The following ARHGAP39 variants were observed in gnomAD, a reference collection of about 807,000 sequenced individuals.
The protein encoded by ARHGAP39 is rho GTPase-activating protein 39.
Under a neutral mutation model 106.9 loss-of-function variants are expected in ARHGAP39, and 44 were observed. That is an observed-to-expected ratio of 0.41 (90% confidence interval 0.32 to 0.53). The LOEUF is 0.53. Among genes scored for constraint, ARHGAP39 ranks in the 20% least tolerant of loss-of-function variants. ARHGAP39 has a pLI of 0.21. For synonymous variants in ARHGAP39, 768 were observed against 693.2 expected (o/e 1.11, Z -1.69); for missense variants, 1,496 against 1,577.3 (o/e 0.95, Z 0.87).
intron 1 of ARHGAP39, among the ~76,000 whole-genome samples, chr8:144,669,033 T>A (rs1266088050): frequency 6.6e-6 from 1 of 151,686 alleles, no homozygotes; most frequent in African/African-American, 2.4e-5. Context: ...CAAGTAATTT[T>A]TGACAAAGGT....
intron 2 of ARHGAP39, among the ~76,000 whole-genome samples, chr8:144,597,910 C>T (rs188263856): frequency 3.9e-5 from 6 of 152,238 alleles, no homozygotes; most frequent in Admixed American, 2.6e-4. Context: ...GACAGGGATG[C>T]GTCCACACCA....
At chr8:144,534,246 G>A in intron 7 of ARHGAP39, 44 bp from the exon 8 acceptor site, 2 of 1,607,954 alleles carry the variant, frequency 1.2e-6, no homozygotes, top group Non-Finnish European at 8.5e-7. Context: ...GGGTGTGTGG[G>A]TGTGGGGCCA....
At chr8:144,673,772 C>T (rs1470358097) in intron 1 of ARHGAP39, among the ~76,000 whole-genome samples, 1 of 152,222 alleles carries the variant, frequency 6.6e-6, no homozygotes. Flanking sequence ...CGGCCCAGAT[C>T]CCACACCTGC....
intron 3 of ARHGAP39, among the ~76,000 whole-genome samples, chr8:144,557,562 A>G (rs957979488): frequency 6.1e-4 from 65 of 106,582 alleles, no homozygotes; most frequent in East Asian, 1.8e-3. Flanking sequence ...CTGAACCTTC[A>G]TAGTATTCAG....
At chr8:144,691,323 G>T in the ARHGAP39 span, among the ~76,000 whole-genome samples, 1 of 152,124 alleles carries the variant, frequency 6.6e-6, no homozygotes, top group Admixed American at 6.6e-5. Flanking sequence ...TGTGTCTGCT[G>T]GAACCCAGCA....
At chr8:144,675,161 C>T (rs985156149) in intron 1 of ARHGAP39, among the ~76,000 whole-genome samples, 1 of 152,206 alleles carries the variant, frequency 6.6e-6, no homozygotes, top group East Asian at 1.9e-4. Context: ...CTGCAACCAG[C>T]GTCATGGCAG....
chr8:144,537,085 G>A (rs1192287142), intron 7 of ARHGAP39, among the ~76,000 whole-genome samples: 6 of 152,176 alleles, frequency 3.9e-5, no homozygotes, highest in Non-Finnish European at 8.8e-5. Context: ...TGACAGCGTA[G>A]CTCTCAAAAG....
intron 1 of ARHGAP39, among the ~76,000 whole-genome samples, chr8:144,636,977 G>C (rs1194415524): frequency 6.6e-6 from 1 of 152,246 alleles, no homozygotes; most frequent in East Asian, 1.9e-4. Flanking sequence ...AATGCAATCT[G>C]TGTCTTTCTG....
In ARHGAP39 at chr8:144,600,392, G is replaced by A. The variant is rs114624050; in HGVS notation, c.80+5143C>T. Reference sequence around the variant, plus strand: ...CACTTGGGTACCTACCTGCGTGTGTGGAGGCGTGTGTGTGCACTTGTGTAC... The same window carrying A: ...CACTTGGGTACCTACCTGCGTGTGTAGAGGCGTGTGTGTGCACTTGTGTAC... On this transcript the variant is annotated intron_variant, in intron 2 of 11. Coordinates refer to ENST00000377307, the MANE Select transcript of ARHGAP39 (RefSeq NM_025251.3). Among the ~76,000 whole-genome samples the A allele has an allele frequency of 3.6e-3, 541 of 148,928 alleles. 7 individuals carry two copies. The highest frequency in any genetic ancestry group is 0.013 in the African/African-American group (510 of 40,264).
In ARHGAP39 at chr8:144,548,752, C is replaced by T. The variant is rs1284051686; in HGVS notation, c.597-263G>A. ...CTCCTGACCGGGCACAGGGCTGCTT[C>T]TGTAACTAGAACCGGGGGCGGCGTT... On this transcript the variant is annotated intron_variant, in intron 4 of 11. Coordinates refer to ENST00000377307, the MANE Select transcript of ARHGAP39 (RefSeq NM_025251.3). The surrounding 1 kb of genome is among the most constrained non-coding windows in gnomAD (Gnocchi z 7.4). 6.6e-6 allele frequency among the ~76,000 whole-genome samples: 1 copy of T among 152,248 alleles called. No homozygotes were observed. Among genetic ancestry groups the T allele is most frequent in the African/African-American group, 2.4e-5 (1 of 41,472 alleles).
intron 3 of ARHGAP39, among the ~76,000 whole-genome samples, chr8:144,573,553 T>C (rs1037724430): frequency 1.3e-5 from 2 of 152,212 alleles, no homozygotes; most frequent in Non-Finnish European, 2.9e-5. Context: ...CATGTATACC[T>C]ATGTAACAAA....
chr8:144,663,862 A>G (rs1236105233), intron 1 of ARHGAP39, among the ~76,000 whole-genome samples: 1 of 152,184 alleles, frequency 6.6e-6, no homozygotes, highest in Non-Finnish European at 1.5e-5. Context: ...AAAACTCAAT[A>G]AACAAGATTA....
In ARHGAP39 at chr8:144,671,662, C is replaced by T. The variant is rs1351147557; in HGVS notation, c.-82+14024G>A. ...TGATACTCCTCCTTTCCAGACAAGACACCCCTTCTCCAGAAAGCCTACCTG... is the reference window on the plus strand; with the variant it reads ...TGATACTCCTCCTTTCCAGACAAGATACCCCTTCTCCAGAAAGCCTACCTG... On this transcript the variant is annotated intron_variant, in intron 1 of 11. Transcript: ENST00000377307. The surrounding 1 kb of genome is among the most constrained non-coding windows in gnomAD (Gnocchi z 4.5). Among the ~76,000 whole-genome samples, 1 of 152,214 alleles carries T rather than the reference C, an allele frequency of 6.6e-6. No individual in the cohort carries two copies. The highest frequency in any genetic ancestry group is 1.5e-5 in the Non-Finnish European group (1 of 68,032).
At chr8:144,581,605 G>A (rs1450665225) in intron 2 of ARHGAP39, among the ~76,000 whole-genome samples, 2 of 152,218 alleles carry the variant, frequency 1.3e-5, no homozygotes, top group African/African-American at 4.8e-5. Context: ...GCTCCGTCCT[G>A]CAGGATCGTG....
chr8:144,551,875 T>C (rs759904781), intron 4 of ARHGAP39, among the ~76,000 whole-genome samples: 1 of 152,232 alleles, frequency 6.6e-6, no homozygotes, highest in African/African-American at 2.4e-5. Flanking sequence ...GCCTCCCCGA[T>C]GGGCCTTCAT....
chr8:144,542,199 C>T (rs1223109964), intron 6 of ARHGAP39, among the ~76,000 whole-genome samples: 1 of 152,214 alleles, frequency 6.6e-6, no homozygotes, highest in African/African-American at 2.4e-5. Context: ...TACCCACTGC[C>T]AGGTGCTCCT....
chr8:144,603,119 G>C lies in ARHGAP39; in HGVS notation c.80+2416C>G, dbSNP rs751279247. ...AGCTCATGTATCTGTGTGCGTGGAG[G>C]CGTGTGTGTGCTGGTGTACCTGTGT... On this transcript the variant is annotated intron_variant, in intron 2 of 11. Coordinates refer to ENST00000377307, the MANE Select transcript of ARHGAP39 (RefSeq NM_025251.3). 2.4e-4 allele frequency among the ~76,000 whole-genome samples: 35 copies of C among 148,862 alleles called. 1 individual carries two copies. Among genetic ancestry groups the C allele is most frequent in the Admixed American group, 1.3e-4 (2 of 14,910 alleles).
chr8:144,546,929 C>T (rs907079807), intron 5 of ARHGAP39, among the ~76,000 whole-genome samples, 198 bp downstream of exon 5: 2 of 152,238 alleles, frequency 1.3e-5, no homozygotes, highest in East Asian at 1.9e-4. Flanking sequence ...CCACACCCCA[C>T]GGGGCCTCCT....
Position 144,545,446 on chromosome 8 carries a change from C to T in ARHGAP39, c.2324G>A (p.Trp775Ter). The part of the protein sequence containing the change: ...HVALEVATKG[W>*]SVQGLRDELY... Reference sequence around the variant, plus strand: ...CTCGTCCCGCAGGCCCTGCACGCTCCAGCCCTTGGTGGCCACCTCCAGGGC... The same window carrying T: ...CTCGTCCCGCAGGCCCTGCACGCTCTAGCCCTTGGTGGCCACCTCCAGGGC... Residue 775 changes from tryptophan to a stop codon, truncating the protein, a stop_gained, in exon 6 of 12, where the codon TGG becomes TAG. Transcript: ENST00000377307. LOFTEE classifies it high-confidence loss of function. 6.3e-7 allele frequency: 1 copy of T among 1,593,502 alleles called. No homozygotes were observed. The highest frequency in any genetic ancestry group is 8.6e-7 in the Non-Finnish European group (1 of 1,166,354).
Sources: allele counts gnomAD v4.1 joint callset (sites outside exome capture counted in the v4.1 genomes callset), GRCh38; gene constraint gnomAD v4.1.1; non-coding constraint Gnocchi (gnomAD v3.1); transcripts MANE v1.5; gene names NCBI Gene and HGNC (gene_info 2026-07-23, HGNC 2026-07-21).